The following HAAO variants were observed in gnomAD, a reference collection of about 807,000 sequenced individuals.
The protein encoded by HAAO is 3-hydroxyanthranilate oxygenase.
A neutral mutation model predicts 46.2 loss-of-function variants in HAAO; 49 were observed. The ratio of observed to expected loss-of-function variants is 1.06; its 90% CI spans 0.84 to 1.34. HAAO has a LOEUF of 1.34. Among genes scored for constraint, HAAO ranks in the 40% most tolerant of loss-of-function variants. The pLI is 0.00. For missense variants in HAAO, 408 were observed against 364.5 expected (o/e 1.12, Z -0.97); for synonymous variants, 157 against 145.2 (o/e 1.08, Z -0.58).
chr2:42,770,229 C>T (rs1019556866), intron 5 of HAAO, 43 bp from the exon 6 acceptor site: 24 of 1,542,012 alleles, frequency 1.6e-5, no homozygotes, highest in Middle Eastern at 3.3e-4. Context: ...CGAGCACTCC[C>T]ATCGGAGTGG....
Position 42,775,246 on chromosome 2 carries a change from G to GAA in HAAO, c.351-4666_351-4665dup, listed in dbSNP as rs34025268. On this transcript the variant is annotated intron_variant, in intron 4 of 9. Coordinates refer to ENST00000294973, the MANE Select transcript of HAAO (RefSeq NM_012205.3). ...TGGGTGACAGAGTAAGACTGTCATGGAAAAAAAAAAAAAAAAAAAAAAAGG... is the reference window on the plus strand; with the variant it reads ...TGGGTGACAGAGTAAGACTGTCATGGAAAAAAAAAAAAAAAAAAAAAAAAAGG... Among the ~76,000 whole-genome samples, 316 of 68,988 alleles carry GAA rather than the reference G, an allele frequency of 4.6e-3. 9 individuals carry two copies. Among genetic ancestry groups the GAA allele is most frequent in the African/African-American group, 0.013 (214 of 16,094 alleles). The allele number at this position is 68,988 out of a possible 152,430, so 45.3% of individuals were successfully genotyped here.
intron 7 of HAAO, 118 bp downstream of exon 7, chr2:42,769,588 TGTGTGTG>T: frequency 1.5e-6 from 1 of 674,442 alleles, no homozygotes; most frequent in Non-Finnish European, 2.3e-6. Flanking sequence ...TGTGTGTGTG[TGTGTGTG>T]TGTGTGTGTG....
rs558462022 is a variant in HAAO at position 42,767,355 on chromosome 2, G to A, written c.*82C>T. On this transcript the variant is annotated 3_prime_UTR_variant, in exon 10 of 10. Transcript: ENST00000294973. The stretch of plus-strand genomic sequence containing the variant: ...AGCGGCAGTACACAGAGAGGTAGTG[G>A]GGGCTGGGAGAGTTGTTTGGCAGGG... 177 of 914,896 alleles carry A rather than the reference G, an allele frequency of 1.9e-4. No individual in the cohort carries two copies. Among genetic ancestry groups the A allele is most frequent in the South Asian group, 7.3e-4 (53 of 72,868 alleles). 56.7% of individuals were successfully genotyped at this position (914,896 alleles called of 1,614,324 possible).
chr2:42,783,332 G>T lies in HAAO; in HGVS notation c.332C>A (p.Thr111Asn), dbSNP rs1251506828. The change falls in exon 4 of 10, where the codon ACC (threonine) becomes AAC (asparagine). Residue 111 changes from threonine (T) to asparagine (N), a missense_variant. Transcript: ENST00000294973. ...GLVVERRRLE[T>N]ELDGLRYYVG... ...AATTTACCTGAGCCCATCTAGCTCG[G>T]TCTCCAGCCGCCTTCGCTCAACCAC... is the stretch of plus-strand genomic sequence containing the variant. The T allele has an allele frequency of 6.2e-7, 1 of 1,610,620 alleles. No homozygotes were observed.
intron 1 of HAAO, 146 bp downstream of exon 1, chr2:42,792,311 C>A: frequency 2.0e-6 from 1 of 502,158 alleles, no homozygotes. Context: ...AACAGCCTGT[C>A]TCCATCTTCC....
chr2:42,780,922 A>G (rs1014819111), intron 4 of HAAO, among the ~76,000 whole-genome samples: 1 of 151,078 alleles, frequency 6.6e-6, no homozygotes, highest in African/African-American at 2.4e-5. Flanking sequence ...AAAAAAAAAA[A>G]AAAAATTTGC....
At chr2:42,782,381 A>G (rs151156857) in intron 4 of HAAO, among the ~76,000 whole-genome samples, 2 of 151,836 alleles carry the variant, frequency 1.3e-5, no homozygotes, top group East Asian at 3.9e-4. Context: ...TCCTCCCCCT[A>G]TTTTCTCTTT....
chr2:42,769,865 C>T lies in HAAO; in HGVS notation c.485-7G>A. 6.2e-7 allele frequency: 1 copy of T among 1,604,496 alleles called. No homozygotes were observed. Among genetic ancestry groups the T allele is most frequent in the East Asian group, 2.2e-5 (1 of 44,822 alleles). On this transcript the variant is annotated splice_polypyrimidine_tract_variant and splice_region_variant and intron_variant, in intron 6 of 9. Transcript: ENST00000294973. ...GGCTCCTTGAGCAGCTGGTCTGCAC[C>T]CACAGCATGACTATAGTCGGTGTCC...
chr2:42,783,477 G>C (rs1672160729), intron 3 of HAAO, 57 bp from the exon 4 acceptor site: 1 of 1,129,832 alleles, frequency 8.9e-7, no homozygotes, highest in Non-Finnish European at 1.3e-6. Flanking sequence ...GGAGACCTTA[G>C]CGCCCCCAAC....
chr2:42,781,245 A>G (rs1380955366), intron 4 of HAAO, among the ~76,000 whole-genome samples: 1 of 152,266 alleles, frequency 6.6e-6, no homozygotes, highest in Non-Finnish European at 1.5e-5. Context: ...ATTTTGCAAC[A>G]GGACACAATT....
Position 42,783,848 on chromosome 2 carries a change from C to G in HAAO, c.179G>C (p.Gly60Ala). 6.2e-7 allele frequency: 1 copy of G among 1,611,706 alleles called. No homozygotes were observed. The highest frequency in any genetic ancestry group is 8.5e-7 in the Non-Finnish European group (1 of 1,179,010). The change falls in exon 3 of 10, where the codon GGA becomes GCA. Residue 60 changes from glycine to alanine, a missense_variant. Gly to Ala is a moderately conservative substitution (Grantham distance 60). Coordinates refer to ENST00000294973, the MANE Select transcript of HAAO (RefSeq NM_012205.3). ...CTCCAGGACTCGGAGAACCATGTCT[C>G]CCTCCAGCTGGTAAAATACCTGTGG... Reference protein sequence around the residue: ...EGEEVFYQLEGDMVLRVLEQG... With the variant: ...EGEEVFYQLEADMVLRVLEQG...
chr2:42,769,609 G>A (rs527521449), intron 7 of HAAO, 104 bp downstream of exon 7: 2 of 749,180 alleles, frequency 2.7e-6, no homozygotes, highest in East Asian at 2.8e-5. Context: ...GTGTGTGAGT[G>A]TGTGTGTGAA....
At chr2:42,769,925 G>T (rs541260096) in intron 6 of HAAO, 67 bp from the exon 7 acceptor site, 14 of 1,503,824 alleles carry the variant, frequency 9.3e-6, no homozygotes, top group South Asian at 2.6e-5. Flanking sequence ...AGTGGGCCCA[G>T]TTCCCAGGGG....
intron 2 of HAAO, 60 bp downstream of exon 2, chr2:42,788,469 C>T (rs1446833609): frequency 9.3e-7 from 1 of 1,077,926 alleles, no homozygotes; most frequent in Non-Finnish European, 1.4e-6. Flanking sequence ...AGCGCCCCCT[C>T]CCGCTAGGGC....
Position 42,767,460 on chromosome 2 carries a change from C to T in HAAO, c.838G>A (p.Ala280Thr). The T allele has an allele frequency of 6.2e-7, 1 of 1,613,180 alleles. No homozygotes were observed. The highest frequency in any genetic ancestry group is 1.1e-5 in the South Asian group (1 of 90,852). Reference sequence around the variant, plus strand: ...GGTCACCCCAGGGGCTTCTTGCAGGCAGGGTCCTGGGTCACAGACAGGGCC... The same window carrying T: ...GGTCACCCCAGGGGCTTCTTGCAGGTAGGGTCCTGGGTCACAGACAGGGCC... Reference protein sequence around the residue: ...SVALSVTQDPACKKPLG With the variant: ...SVALSVTQDPTCKKPLG The change falls in exon 10 of 10, where the codon GCC becomes ACC. Residue 280 changes from alanine (A) to threonine (T), a missense_variant. By Grantham distance (58) the Ala-to-Thr change is moderately conservative (BLOSUM62 0). Coordinates refer to ENST00000294973, the MANE Select transcript of HAAO (RefSeq NM_012205.3).
Position 42,768,122 on chromosome 2 carries a change from C to T in HAAO, c.631-194G>A, listed in dbSNP as rs111364376. Among the ~76,000 whole-genome samples, 363 of 152,336 alleles carry T rather than the reference C, an allele frequency of 2.4e-3. 3 individuals carry two copies. The highest frequency in any genetic ancestry group is 8.4e-3 in the African/African-American group (349 of 41,570). ...GGGCTGCAGGCCTCCCTGTGCCCGC[C>T]GCTGCAACAGGTATTTGGGATCACA... On this transcript the variant is annotated intron_variant, in intron 7 of 9. Transcript: ENST00000294973.
At chr2:42,792,226 G>C (rs1672858413) in intron 1 of HAAO, among the ~76,000 whole-genome samples, 1 of 152,146 alleles carries the variant, frequency 6.6e-6, no homozygotes, top group Non-Finnish European at 1.5e-5. Context: ...TACAGCCTGA[G>C]AACCAGCTCA....
intron 8 of HAAO, 81 bp from the exon 9 acceptor site, chr2:42,767,758 C>A: frequency 6.5e-7 from 1 of 1,538,256 alleles, no homozygotes; most frequent in Non-Finnish European, 9.0e-7. Flanking sequence ...GCCTGGGCCC[C>A]AAGGCCCCAA....
chr2:42,783,174 C>G (rs1270203854), intron 4 of HAAO, 140 bp downstream of exon 4: 6 of 615,358 alleles, frequency 9.8e-6, no homozygotes, highest in Non-Finnish European at 1.8e-5. Context: ...TCCACTGCCT[C>G]TGCTGTGAGG....
Sources: gnomAD v4.1 joint callset for allele counts (sites outside exome capture counted in the v4.1 genomes callset) on GRCh38, gnomAD v4.1.1 for gene constraint, MANE v1.5 for transcripts, NCBI Gene and HGNC (gene_info 2026-07-23, HGNC 2026-07-21) for gene names.